Variants in PEX11A observed in about 807,000 individuals in gnomAD.
The protein encoded by PEX11A is peroxisomal membrane protein 11A.
PEX11A carries 13 observed loss-of-function variants against 14.4 expected under a neutral mutation model. That is an observed-to-expected ratio of 0.90 (90% confidence interval 0.59 to 1.43). PEX11A has a LOEUF of 1.43. Ranked by LOEUF, PEX11A falls within the 40% of genes most tolerant of loss-of-function variation. The probability of loss-of-function intolerance (pLI) is 0.00; values close to 1 mark genes in which losing one functional copy is unlikely to be tolerated. For synonymous variants in PEX11A, 101 were observed against 113.0 expected, an observed-to-expected ratio of 0.89 and a Z score of 0.67; for missense variants, 290 against 302.8, an observed-to-expected ratio of 0.96 and a Z score of 0.31.
chr15:89,682,606 A>C lies in PEX11A; in HGVS notation c.*771T>G, dbSNP rs932894184. Reference sequence around the variant, plus strand: ...TCTACTCAATTCTGAAGACAGTGGGAGAGCATGGAGAGAACACTGGATTAG... The same window carrying C: ...TCTACTCAATTCTGAAGACAGTGGGCGAGCATGGAGAGAACACTGGATTAG... On this transcript the variant is annotated 3_prime_UTR_variant, in exon 3 of 3. Transcript: ENST00000300056. 2.0e-5 allele frequency: 3 copies of C among 152,254 alleles called. No homozygotes were observed. The highest frequency in any genetic ancestry group is 4.4e-5 in the Non-Finnish European group (3 of 68,050). 9.4% of individuals were successfully genotyped at this position (152,254 alleles called of 1,614,324 possible).
At chr15:89,684,823 A>C (rs935292147) in intron 2 of PEX11A, among the ~76,000 whole-genome samples, 3 of 152,174 alleles carry the variant, frequency 2.0e-5, no homozygotes, top group Non-Finnish European at 2.9e-5. Context: ...GATACAAAAG[A>C]AGTACTTTTC....
At chr15:89,685,299 T>A (rs961136600) in intron 2 of PEX11A, among the ~76,000 whole-genome samples, 49 of 151,824 alleles carry the variant, frequency 3.2e-4, no homozygotes, top group African/African-American at 1.2e-3. Flanking sequence ...TATTTTAGTA[T>A]ATAGATTCTG....
chr15:89,689,786 A>G (rs1452016995), intron 1 of PEX11A, among the ~76,000 whole-genome samples: 1 of 152,184 alleles, frequency 6.6e-6, no homozygotes, highest in Non-Finnish European at 1.5e-5. Context: ...TCTCAATGAT[A>G]CAGCCTGGGT....
Position 89,683,164 on chromosome 15 carries a change from C to A in PEX11A, c.*213G>T. ...GATGAAGGGAAAATATTCAGAAATT[C>A]ACAAGTCACTCCAGCACTCCAAAAA... is the stretch of plus-strand genomic sequence containing the variant. On this transcript the variant is annotated 3_prime_UTR_variant, in exon 3 of 3. Coordinates refer to ENST00000300056, the MANE Select transcript of PEX11A (RefSeq NM_003847.3). 1.9e-6 allele frequency: 1 copy of A among 526,592 alleles called. No individual in the cohort carries two copies. The allele number at this position is 526,592 out of a possible 1,614,324, so 32.6% of individuals were successfully genotyped here.
Position 89,683,371 on chromosome 15 carries a change from A to G in PEX11A, c.*6T>C. ...AGTAGGTACTAGTTCCAAGCCTAAAAACACCCTAACGGGTCTTCAGCTTCA... is the reference window on the plus strand; with the variant it reads ...AGTAGGTACTAGTTCCAAGCCTAAAGACACCCTAACGGGTCTTCAGCTTCA... On this transcript the variant is annotated 3_prime_UTR_variant, in exon 3 of 3. Transcript: ENST00000300056. 1.2e-6 allele frequency: 2 copies of G among 1,600,034 alleles called. No homozygotes were observed. Among genetic ancestry groups the G allele is most frequent in the Non-Finnish European group, 1.7e-6 (2 of 1,172,986 alleles).
chr15:89,683,146 G>C lies in PEX11A; in HGVS notation c.*231C>G, dbSNP rs570667911. 2.7e-4 allele frequency: 138 copies of C among 514,412 alleles called. No individual in the cohort carries two copies. Among genetic ancestry groups the C allele is most frequent in the Non-Finnish European group, 4.2e-4 (122 of 292,072 alleles). 31.9% of individuals were successfully genotyped at this position (514,412 alleles called of 1,614,324 possible). On this transcript the variant is annotated 3_prime_UTR_variant, in exon 3 of 3. Coordinates refer to ENST00000300056, the MANE Select transcript of PEX11A (RefSeq NM_003847.3). Reference sequence around the variant, plus strand: ...GATGTTCAATCAATGTTAGATGAAGGGAAAATATTCAGAAATTCACAAGTC... The same window carrying C: ...GATGTTCAATCAATGTTAGATGAAGCGAAAATATTCAGAAATTCACAAGTC...
intron 2 of PEX11A, among the ~76,000 whole-genome samples, chr15:89,685,316 A>G (rs1190926266): frequency 6.6e-6 from 1 of 151,882 alleles, no homozygotes. Flanking sequence ...TCTGGGTTCC[A>G]GTTCTGGCCC....
rs558688111 is a variant in PEX11A, at chr15:89,690,587, G to A, written c.46C>T (p.Arg16Ter). 6.4e-6 allele frequency: 10 copies of A among 1,551,294 alleles called. No homozygotes were observed. The South Asian group carries it at 8.3e-5, about 13-fold the overall frequency. The change falls in exon 1 of 3, where the codon CGA becomes TGA. Residue 16 changes from arginine to a stop codon, truncating the protein, a stop_gained. Transcript: ENST00000300056. LOFTEE classifies it high-confidence loss of function. ...RFTNQTQGRDRLFRATQYTCM... is the reference protein window; with the variant it reads ...RFTNQTQGRD The stretch of plus-strand genomic sequence containing the variant: ...TGGCACCTGACTCACCTGAAGAGTC[G>A]GTCCCGGCCCTGGGTCTGGTTGGTG...
chr15:89,686,607 G>T (rs1352970612), intron 1 of PEX11A, 61 bp from the exon 2 acceptor site: 1 of 774,122 alleles, frequency 1.3e-6, no homozygotes. Context: ...ACTTAATTCA[G>T]GAAGTAAGGG....
chr15:89,687,893 T>C (rs1335916004), intron 1 of PEX11A: 1 of 459,820 alleles, frequency 2.2e-6, no homozygotes, highest in African/African-American at 2.0e-5. Flanking sequence ...GAACATAAAC[T>C]CGATTTTATT....
rs1259324805 is a variant in PEX11A at position 89,683,807 on chromosome 15, A to G, written c.314T>C (p.Val105Ala). The G allele has an allele frequency of 6.2e-7, 1 of 1,614,030 alleles. No homozygotes were observed. The change falls in exon 3 of 3, where the codon GTG becomes GCG. Residue 105 changes from valine to alanine, a missense_variant. Transcript: ENST00000300056. ...GCCAGAGGTGAGACCTACGCTCCTC[A>G]CCCAGAGGATGGTGTCACAGATGAA... is the stretch of plus-strand genomic sequence containing the variant. Reference protein sequence around the residue: ...IYFICDTILWVRSVGLTSGIN... With the variant: ...IYFICDTILWARSVGLTSGIN...
intron 1 of PEX11A, among the ~76,000 whole-genome samples, chr15:89,689,211 G>A (rs1452975442): frequency 1.5e-5 from 2 of 134,686 alleles, no homozygotes; most frequent in East Asian, 3.9e-4. Context: ...AGTCATTTGC[G>A]TGGATGTGAA....
intron 2 of PEX11A, among the ~76,000 whole-genome samples, chr15:89,684,326 C>T (rs1964646382): frequency 6.6e-6 from 1 of 152,222 alleles, no homozygotes; most frequent in South Asian, 2.1e-4. Flanking sequence ...TACAGTGACT[C>T]TTTAAATTTA....
intron 1 of PEX11A, among the ~76,000 whole-genome samples, chr15:89,689,788 A>G (rs144957156): frequency 1.2e-3 from 178 of 152,328 alleles, no homozygotes; most frequent in African/African-American, 4.0e-3. Flanking sequence ...TCAATGATAC[A>G]GCCTGGGTAA....
rs913769054 is a variant in PEX11A at position 89,681,659 on chromosome 15, A to C, written c.*1718T>G. On this transcript the variant is annotated 3_prime_UTR_variant, in exon 3 of 3. Coordinates refer to ENST00000300056, the MANE Select transcript of PEX11A (RefSeq NM_003847.3). The stretch of plus-strand genomic sequence containing the variant: ...GCTTTCATGTCTCTTAAAATTCCCT[A>C]AATTTTATTTCTCAAATCCCATATC... 1.8e-6 allele frequency: 1 copy of C among 549,448 alleles called. No individual in the cohort carries two copies. The highest frequency in any genetic ancestry group is 1.9e-5 in the African/African-American group (1 of 53,206). 34.0% of individuals were successfully genotyped at this position (549,448 alleles called of 1,614,324 possible).
chr15:89,683,350 G>A lies in PEX11A; in HGVS notation c.*27C>T, dbSNP rs779180944. The A allele has an allele frequency of 4.1e-6, 6 of 1,468,928 alleles. No homozygotes were observed. The highest frequency in any genetic ancestry group is 5.6e-6 in the Non-Finnish European group (6 of 1,067,976). The allele number at this position is 1,468,928 out of a possible 1,614,324, so 91.0% of individuals were successfully genotyped here. ...CACCAAGAGGCCATCTTTTAAAGTA[G>A]GTACTAGTTCCAAGCCTAAAAACAC... On this transcript the variant is annotated 3_prime_UTR_variant, in exon 3 of 3. Coordinates refer to ENST00000300056, the MANE Select transcript of PEX11A (RefSeq NM_003847.3).
intron 1 of PEX11A, among the ~76,000 whole-genome samples, chr15:89,689,487 TA>T (rs1396682212): frequency 6.6e-6 from 1 of 152,186 alleles, no homozygotes; most frequent in Non-Finnish European, 1.5e-5. Context: ...ACTGCAACTG[TA>T]AATATTTTTT....
intron 1 of PEX11A, chr15:89,688,359 C>T: frequency 4.1e-6 from 1 of 242,182 alleles, no homozygotes; most frequent in South Asian, 5.2e-5. Flanking sequence ...TGCTAGAGAT[C>T]TCAGATCTTT....
intron 2 of PEX11A, among the ~76,000 whole-genome samples, chr15:89,684,915 C>G (rs1971840): frequency 0.52 from 78,368 of 151,982 alleles, 21,725 homozygotes; most frequent in Non-Finnish European, 0.64. Flanking sequence ...AGGGGCTGGG[C>G]GCGGTGGCTT....
Sources: gnomAD v4.1 joint callset for allele counts (sites outside exome capture counted in the v4.1 genomes callset) on GRCh38, gnomAD v4.1.1 for gene constraint, MANE v1.5 for transcripts, NCBI Gene and HGNC (gene_info 2026-07-23, HGNC 2026-07-21) for gene names.